The following FHIT variants were observed in gnomAD, a reference collection of about 807,000 sequenced individuals.
The protein encoded by FHIT is fragile histidine triad diadenosine triphosphatase.
In FHIT, 19 loss-of-function variants were observed where a neutral mutation model predicts 17.9. The observed-to-expected ratio is 1.06, with a 90% CI of 0.74 to 1.56. The LOEUF is 1.56. Among genes scored for constraint, FHIT ranks in the 40% most tolerant of loss-of-function variants. FHIT has a pLI of 0.00. For synonymous variants in FHIT, 81 were observed against 69.7 expected, an observed-to-expected ratio of 1.16 and a Z score of -0.81; for missense variants, 248 against 189.2, an observed-to-expected ratio of 1.31 and a Z score of -1.82.
intron 8 of FHIT, among the ~76,000 whole-genome samples, chr3:59,921,070 C>A (rs773800011): frequency 6.6e-6 from 1 of 152,142 alleles, no homozygotes; most frequent in African/African-American, 2.4e-5. Context: ...GGACTGGTGA[C>A]TAGACTATTT....
chr3:60,556,772 T>C (rs1576872398), intron 4 of FHIT, among the ~76,000 whole-genome samples: 1 of 152,176 alleles, frequency 6.6e-6, no homozygotes, highest in East Asian at 1.9e-4. Flanking sequence ...ATCACCTAGG[T>C]GTGTAACGCT....
At chr3:59,826,195 G>A (rs995200901) in intron 8 of FHIT, among the ~76,000 whole-genome samples, 53 of 152,256 alleles carry the variant, frequency 3.5e-4, no homozygotes, top group African/African-American at 1.2e-3. Flanking sequence ...TTGGCTCACT[G>A]CAGCCTTGGC....
intron 5 of FHIT, among the ~76,000 whole-genome samples, chr3:60,153,752 G>C (rs1285664479): frequency 6.6e-6 from 1 of 152,078 alleles, no homozygotes; most frequent in African/African-American, 2.4e-5. Flanking sequence ...TAGATCTAGG[G>C]GTTAAACTCT....
At chr3:60,540,768 G>A (rs1007529195) in intron 4 of FHIT, among the ~76,000 whole-genome samples, 1 of 152,018 alleles carries the variant, frequency 6.6e-6, no homozygotes, top group African/African-American at 2.4e-5. Flanking sequence ...ACTTACTATG[G>A]ACACACCCAC....
chr3:60,431,040 T>A (rs983843543), intron 5 of FHIT, among the ~76,000 whole-genome samples: 2 of 151,982 alleles, frequency 1.3e-5, no homozygotes, highest in Admixed American at 6.6e-5. Context: ...GGTGAAACCC[T>A]GTCTCTACTA....
intron 4 of FHIT, among the ~76,000 whole-genome samples, chr3:60,584,176 T>A (rs1407301011): frequency 2.0e-5 from 3 of 152,040 alleles, no homozygotes; most frequent in African/African-American, 7.2e-5. Flanking sequence ...CTCATTATAT[T>A]TTTCAGCATT....
intron 2 of FHIT, among the ~76,000 whole-genome samples, chr3:61,187,986 T>A (rs1446811236): frequency 2.0e-5 from 3 of 151,998 alleles, no homozygotes; most frequent in Non-Finnish European, 4.4e-5. Flanking sequence ...GCAGAAAAGA[T>A]CTAAAATTGA....
At chr3:60,347,158 G>A (rs753690335) in intron 5 of FHIT, among the ~76,000 whole-genome samples, 3 of 151,986 alleles carry the variant, frequency 2.0e-5, no homozygotes, top group Non-Finnish European at 2.9e-5. Flanking sequence ...TATGTGGTAT[G>A]CCTATCAGCA....
chr3:59,758,609 T>TA (rs1701341098), intron 8 of FHIT, among the ~76,000 whole-genome samples: 2 of 152,068 alleles, frequency 1.3e-5, no homozygotes, highest in African/African-American at 4.8e-5. Flanking sequence ...ACAACACCTC[T>TA]AAGAGAAAGA....
At chr3:60,051,303 C>T (rs1701866799) in intron 5 of FHIT, among the ~76,000 whole-genome samples, 1 of 150,432 alleles carries the variant, frequency 6.6e-6, no homozygotes, top group Non-Finnish European at 1.5e-5. Context: ...CTATTAAACA[C>T]ACCGAAAGCC....
chr3:60,684,433 G>C (rs1425230377), intron 4 of FHIT, among the ~76,000 whole-genome samples: 1 of 152,146 alleles, frequency 6.6e-6, no homozygotes, highest in Non-Finnish European at 1.5e-5. Flanking sequence ...CCACATAGCA[G>C]AATACGGTGT....
At chr3:61,052,555 T>C (rs1198191927) in intron 2 of FHIT, among the ~76,000 whole-genome samples, 1 of 152,180 alleles carries the variant, frequency 6.6e-6, no homozygotes. Context: ...TTTTACAAAG[T>C]GCAATGAAAA....
At chr3:60,537,454 C>G (rs1429704861) in intron 4 of FHIT, 1 of 983,178 alleles carries the variant, frequency 1.0e-6, no homozygotes, top group Non-Finnish European at 1.2e-6. Context: ...CGAACACTGT[C>G]TGACCTTGCC....
At chr3:59,928,735 G>A (rs986171590) in intron 7 of FHIT, among the ~76,000 whole-genome samples, 6 of 152,240 alleles carry the variant, frequency 3.9e-5, no homozygotes, top group East Asian at 1.9e-4. Flanking sequence ...GGCGGCTCAC[G>A]CCTGTAATCC....
At chr3:60,803,997 A>G (rs1303649297) in intron 4 of FHIT, among the ~76,000 whole-genome samples, 4 of 152,204 alleles carry the variant, frequency 2.6e-5, no homozygotes, top group Non-Finnish European at 4.4e-5. Flanking sequence ...AACCAAACAC[A>G]TGCAACTAAT....
chr3:60,597,516 C>T (rs1246120651), intron 4 of FHIT, among the ~76,000 whole-genome samples: 1 of 152,074 alleles, frequency 6.6e-6, no homozygotes, highest in Admixed American at 6.6e-5. Flanking sequence ...CTCCAAAAGA[C>T]TCATGTAAGA....
chr3:61,006,047 G>C (rs979765469), intron 3 of FHIT, among the ~76,000 whole-genome samples: 1 of 151,686 alleles, frequency 6.6e-6, no homozygotes, highest in Non-Finnish European at 1.5e-5. Context: ...AGCAGGAAGA[G>C]CAGTTACCAC....
At chr3:60,080,838 A>G (rs1271494066) in intron 5 of FHIT, 1 of 152,194 alleles carries the variant, frequency 6.6e-6, no homozygotes, top group Non-Finnish European at 1.5e-5. Context: ...GAATGCAGTG[A>G]TTGTGTTAGA....
chr3:60,111,774 C>T (rs575824660), intron 5 of FHIT, among the ~76,000 whole-genome samples: 5 of 152,192 alleles, frequency 3.3e-5, no homozygotes, highest in Admixed American at 6.5e-5. Context: ...TCTTGTCCTA[C>T]CTCAGCTTTG....
Sources: allele counts gnomAD v4.1 joint callset (sites outside exome capture counted in the v4.1 genomes callset), GRCh38; gene constraint gnomAD v4.1.1; transcripts MANE v1.5; gene names NCBI Gene and HGNC (gene_info 2026-07-23, HGNC 2026-07-21).